The following ZNF804A variants were observed in gnomAD, a reference collection of about 807,000 sequenced individuals.
ZNF804A encodes zinc finger protein 804A.
Under a neutral mutation model 16.5 loss-of-function variants are expected in ZNF804A, and 2 were observed. That is an observed-to-expected ratio of 0.12 (90% confidence interval 0.05 to 0.38). The LOEUF (loss-of-function observed/expected upper bound fraction) is 0.38. Among genes scored for constraint, ZNF804A ranks in the 10% least tolerant of loss-of-function variants. ZNF804A has a pLI of 0.99. For synonymous variants in ZNF804A, 534 were observed against 489.6 expected (o/e 1.09, Z -1.20); for missense variants, 1,473 against 1,390.7 (o/e 1.06, Z -0.94).
chr2:184,863,921 G>T (rs769463435), intron 1 of ZNF804A, among the ~76,000 whole-genome samples: 2 of 151,938 alleles, frequency 1.3e-5, no homozygotes, highest in Non-Finnish European at 2.9e-5. Flanking sequence ...TTAACATATT[G>T]GAAGAATCAA....
intron 2 of ZNF804A, among the ~76,000 whole-genome samples, chr2:184,917,321 A>T (rs1257179416): frequency 6.6e-6 from 1 of 152,226 alleles, no homozygotes; most frequent in East Asian, 1.9e-4. Context: ...AAGATAATTT[A>T]AAGTCATTGG....
At chr2:184,721,827 C>T (rs753492091) in intron 1 of ZNF804A, among the ~76,000 whole-genome samples, 11 of 151,946 alleles carry the variant, frequency 7.2e-5, no homozygotes, top group Non-Finnish European at 8.8e-5. Flanking sequence ...AGCAAAGATA[C>T]AGGATCAGCC....
rs10618125 is a variant in ZNF804A at position 184,852,229 on chromosome 2, TTCTCTC to T, written c.112-14112_112-14107del. ...TAAAAGTTATGTGAATGCGGTCTCT[TTCTCTC>T]TCTCTCTCTCTCTCTCTCTCTCTCT... On this transcript the variant is annotated intron_variant, in intron 1 of 3. Transcript: ENST00000302277. Among the ~76,000 whole-genome samples, 713 of 134,672 alleles carry T rather than the reference TTCTCTC, an allele frequency of 5.3e-3. 5 individuals carry two copies. The highest frequency in any genetic ancestry group is 0.012 in the African/African-American group (444 of 35,966). The allele number at this position is 134,672 out of a possible 152,430, so 88.4% of individuals were successfully genotyped here. A position where few individuals can be genotyped will look rare whatever the true frequency, so the allele number is the denominator to read the frequency against.
intron 2 of ZNF804A, among the ~76,000 whole-genome samples, chr2:184,927,228 C>A (rs1347428241): frequency 6.6e-6 from 1 of 152,264 alleles, no homozygotes; most frequent in Admixed American, 6.5e-5. Context: ...CCCAGTAGTT[C>A]TGTGGCTCTT....
At chr2:184,680,139 T>C (rs898398223) in intron 1 of ZNF804A, among the ~76,000 whole-genome samples, 5 of 152,312 alleles carry the variant, frequency 3.3e-5, no homozygotes, top group African/African-American at 4.8e-5. Context: ...TGCTGAGAGC[T>C]GAACAGACAT....
chr2:184,861,159 A>G (rs1251190216), intron 1 of ZNF804A, among the ~76,000 whole-genome samples: 1 of 152,128 alleles, frequency 6.6e-6, no homozygotes, highest in Non-Finnish European at 1.5e-5. Context: ...GGGGGACAGG[A>G]CTGGTGTTGG....
chr2:184,880,014 C>T (rs1005298786), intron 2 of ZNF804A, among the ~76,000 whole-genome samples: 1 of 151,904 alleles, frequency 6.6e-6, no homozygotes. Context: ...TTACATGTTA[C>T]TGAGGGAAAA....
intron 1 of ZNF804A, among the ~76,000 whole-genome samples, chr2:184,684,414 A>G (rs1467407672): frequency 6.6e-6 from 1 of 152,174 alleles, no homozygotes; most frequent in African/African-American, 2.4e-5. Flanking sequence ...AACTAAATTT[A>G]TTTTGTTTTA....
At chr2:184,608,431 G>A (rs1048845882) in intron 1 of ZNF804A, among the ~76,000 whole-genome samples, 1 of 152,126 alleles carries the variant, frequency 6.6e-6, no homozygotes. Context: ...CAAAGTGGGG[G>A]TAGGGCTGTA....
At chr2:184,649,242 TAAC>T (rs1388385407) in intron 1 of ZNF804A, among the ~76,000 whole-genome samples, 1 of 152,008 alleles carries the variant, frequency 6.6e-6, no homozygotes, top group Non-Finnish European at 1.5e-5. Context: ...ATGAAAATAA[TAAC>T]AAACCATACC....
At chr2:184,832,821 CT>C (rs1695286287) in intron 1 of ZNF804A, among the ~76,000 whole-genome samples, 1 of 151,806 alleles carries the variant, frequency 6.6e-6, no homozygotes, top group Non-Finnish European at 1.5e-5. Context: ...GTGTTTTATA[CT>C]TTTTCCATGA....
chr2:184,918,607 G>T (rs1685487359), intron 2 of ZNF804A, among the ~76,000 whole-genome samples: 1 of 152,112 alleles, frequency 6.6e-6, no homozygotes, highest in Non-Finnish European at 1.5e-5. Flanking sequence ...CTTTTTTGGG[G>T]TGGATGAGGG....
chr2:184,797,899 G>A (rs1251943950), intron 1 of ZNF804A, among the ~76,000 whole-genome samples: 1 of 151,938 alleles, frequency 6.6e-6, no homozygotes, highest in African/African-American at 2.4e-5. Flanking sequence ...TATAGTTGTG[G>A]CTTGGTAGTG....
chr2:184,855,540 T>G (rs974920220), intron 1 of ZNF804A, among the ~76,000 whole-genome samples: 1 of 151,928 alleles, frequency 6.6e-6, no homozygotes, highest in African/African-American at 2.4e-5. Context: ...ACCAGGGTAT[T>G]CTTAGATCAA....
intron 1 of ZNF804A, among the ~76,000 whole-genome samples, chr2:184,613,470 G>T (rs966527719): frequency 6.6e-6 from 1 of 152,100 alleles, no homozygotes; most frequent in Non-Finnish European, 1.5e-5. Context: ...CTTTCTGGCC[G>T]ACCAATATAA....
intron 1 of ZNF804A, among the ~76,000 whole-genome samples, chr2:184,684,295 G>T (rs1323877796): frequency 6.6e-6 from 1 of 152,136 alleles, no homozygotes; most frequent in Admixed American, 6.5e-5. Flanking sequence ...AACAGTAGGG[G>T]TACACAAATA....
At chr2:184,898,751 T>C (rs1348935825) in intron 2 of ZNF804A, among the ~76,000 whole-genome samples, 1 of 152,026 alleles carries the variant, frequency 6.6e-6, no homozygotes, top group Non-Finnish European at 1.5e-5. Flanking sequence ...ATTGTATTGT[T>C]TTCTCATCAT....
chr2:184,817,130 A>G (rs1694994915), intron 1 of ZNF804A, among the ~76,000 whole-genome samples: 1 of 151,930 alleles, frequency 6.6e-6, no homozygotes, highest in Non-Finnish European at 1.5e-5. Context: ...TAGTGAAGAT[A>G]TAAAGTGGGA....
At chr2:184,708,800 T>C (rs1188648970) in intron 1 of ZNF804A, among the ~76,000 whole-genome samples, 3 of 152,150 alleles carry the variant, frequency 2.0e-5, no homozygotes, top group Non-Finnish European at 1.5e-5. Flanking sequence ...GAAACTTTAA[T>C]ATGTAACCAC....
Sources: gnomAD v4.1 joint callset for allele counts (sites outside exome capture counted in the v4.1 genomes callset) on GRCh38, gnomAD v4.1.1 for gene constraint, MANE v1.5 for transcripts, NCBI Gene and HGNC (gene_info 2026-07-23, HGNC 2026-07-21) for gene names.